The following ENPEP variants were observed in gnomAD, a reference collection of about 807,000 sequenced individuals.
ENPEP encodes glutamyl aminopeptidase, also known as AP-A.
A neutral mutation model predicts 114.5 loss-of-function variants in ENPEP; 103 were observed. The ratio of observed to expected loss-of-function variants is 0.90; its 90% CI spans 0.77 to 1.06. ENPEP has a LOEUF of 1.06. ENPEP is among the 50% of genes least tolerant of loss of function. ENPEP has a pLI of 0.00. For missense variants in ENPEP, 1,196 were observed against 1,161.3 expected (o/e 1.03, Z -0.43); for synonymous variants, 420 against 422.0 (o/e 1.00, Z 0.06).
chr4:110,534,388 A>C (rs2110377979), intron 11 of ENPEP, among the ~76,000 whole-genome samples: 1 of 152,154 alleles, frequency 6.6e-6, no homozygotes, highest in East Asian at 1.9e-4. Context: ...CCTGTCATAA[A>C]ATATAGTATA....
chr4:110,515,967 C>G, intron 8 of ENPEP: 1 of 312,252 alleles, frequency 3.2e-6, no homozygotes, highest in South Asian at 2.7e-5. Flanking sequence ...CCCAGCCTCA[C>G]GATATCATCT....
At chr4:110,526,303 A>C (rs1280211861) in intron 10 of ENPEP, among the ~76,000 whole-genome samples, 6 of 152,092 alleles carry the variant, frequency 3.9e-5, no homozygotes, top group Non-Finnish European at 8.8e-5. Flanking sequence ...CCCCCGCCCC[A>C]AAACAGAAAT....
At chr4:110,486,327 C>G (rs1724498769) in intron 1 of ENPEP, among the ~76,000 whole-genome samples, 1 of 152,186 alleles carries the variant, frequency 6.6e-6, no homozygotes, top group African/African-American at 2.4e-5. Flanking sequence ...AATGCACGCT[C>G]TTCTCATGAT....
chr4:110,558,270 T>TTATATA lies in ENPEP; in HGVS notation c.2643-1358_2643-1353dup, dbSNP rs5861011. Among the ~76,000 whole-genome samples, 681 of 141,654 alleles carry TTATATA rather than the reference T, an allele frequency of 4.8e-3. 4 individuals are homozygous for TTATATA. The highest frequency in any genetic ancestry group is 0.017 in the African/African-American group (637 of 38,080). The allele number at this position is 141,654 out of a possible 152,430, so 92.9% of individuals were successfully genotyped here. On this transcript the variant is annotated intron_variant, in intron 18 of 19. Coordinates refer to ENST00000265162, the MANE Select transcript of ENPEP (RefSeq NM_001977.4). ...TGGAAACATTTAATATTTATAAAAA[T>TTATATA]TATATATATATATATATATATATAA...
At chr4:110,550,548 T>C (rs931971779) in intron 17 of ENPEP, among the ~76,000 whole-genome samples, 2 of 152,062 alleles carry the variant, frequency 1.3e-5, no homozygotes, top group South Asian at 2.1e-4. Context: ...CAAATGCATT[T>C]ACACTTTACT....
At chr4:110,485,306 C>T (rs1724461913) in intron 1 of ENPEP, among the ~76,000 whole-genome samples, 1 of 152,114 alleles carries the variant, frequency 6.6e-6, no homozygotes, top group Non-Finnish European at 1.5e-5. Flanking sequence ...TTTATTGTGA[C>T]ATAATTTCAG....
At chr4:110,501,467 T>C (rs1396511260) in intron 3 of ENPEP, among the ~76,000 whole-genome samples, 3 of 152,152 alleles carry the variant, frequency 2.0e-5, no homozygotes, top group African/African-American at 7.2e-5. Context: ...TTGATGTCTA[T>C]TGCTTCCTTC....
chr4:110,492,303 A>C (rs2110339443), intron 3 of ENPEP, among the ~76,000 whole-genome samples: 1 of 152,346 alleles, frequency 6.6e-6, no homozygotes, highest in African/African-American at 2.4e-5. Flanking sequence ...GTAGAAACTT[A>C]AATTCCAAAC....
intron 11 of ENPEP, among the ~76,000 whole-genome samples, chr4:110,539,217 A>G (rs1245268632): frequency 1.3e-5 from 2 of 152,224 alleles, no homozygotes; most frequent in Non-Finnish European, 2.9e-5. Flanking sequence ...AGTGCAATAA[A>G]GTGACTTCTC....
At chr4:110,479,462 A>C (rs1211488366) in intron 1 of ENPEP, among the ~76,000 whole-genome samples, 1 of 152,182 alleles carries the variant, frequency 6.6e-6, no homozygotes, top group Admixed American at 6.5e-5. Context: ...ACCTGTGTAT[A>C]AATGCATGTA....
At chr4:110,529,544 T>C (rs1277801276) in intron 10 of ENPEP, among the ~76,000 whole-genome samples, 2 of 152,138 alleles carry the variant, frequency 1.3e-5, no homozygotes, top group Admixed American at 1.3e-4. Flanking sequence ...TTTGACTTAG[T>C]CCTGCAGGAA....
intron 10 of ENPEP, among the ~76,000 whole-genome samples, chr4:110,525,005 G>A (rs543142966): frequency 2.6e-4 from 40 of 152,128 alleles, no homozygotes; most frequent in Non-Finnish European, 5.0e-4. Flanking sequence ...TCCTGCCTTG[G>A]CCTCTCAAAG....
At chr4:110,497,882 T>A (rs1388144636) in intron 3 of ENPEP, among the ~76,000 whole-genome samples, 1 of 152,184 alleles carries the variant, frequency 6.6e-6, no homozygotes, top group Non-Finnish European at 1.5e-5. Flanking sequence ...TACCCTCCTC[T>A]GCTAACTTTC....
At chr4:110,531,318 G>A (rs2110374624) in intron 11 of ENPEP, 41 bp downstream of exon 11, 2 of 1,346,876 alleles carry the variant, frequency 1.5e-6, no homozygotes, top group East Asian at 5.1e-5. Flanking sequence ...TTGAATTGAT[G>A]TACCACATTA....
Position 110,513,435 on chromosome 4 carries a change from A to C in ENPEP, c.1329A>C (p.Glu443Asp), listed in dbSNP as rs1284189621. ...TTCAGCGTGACCAAATGTTACTTGA[A>C]GATGTATTACCTGTTCAAGAGGATG... ...DWQMRDQMLLEDVLPVQEDDS... is the reference protein window; with the variant it reads ...DWQMRDQMLLDDVLPVQEDDS... The change falls in exon 7 of 20, where the codon GAA (glutamate) becomes GAC (aspartate). Residue 443 changes from glutamate (E) to aspartate (D), a missense_variant. Physicochemically the swap from Glu to Asp is conservative, Grantham distance 45. Coordinates refer to ENST00000265162, the MANE Select transcript of ENPEP (RefSeq NM_001977.4). 4.3e-6 allele frequency: 7 copies of C among 1,611,364 alleles called. No individual in the cohort carries two copies. In the South Asian group the frequency reaches 7.7e-5, roughly 18 times the overall value.
chr4:110,522,622 G>A (rs622588), intron 10 of ENPEP, among the ~76,000 whole-genome samples: 152,013 of 152,326 alleles, frequency 1, 75,850 homozygotes, highest in Middle Eastern at 1. Flanking sequence ...CAAAACATAC[G>A]TAGATACACC....
chr4:110,483,509 C>T (rs547697390), intron 1 of ENPEP, among the ~76,000 whole-genome samples: 29 of 152,066 alleles, frequency 1.9e-4, no homozygotes, highest in African/African-American at 7.0e-4. Context: ...CAAGCCATAA[C>T]TTGTGCCATC....
chr4:110,548,148 T>A, intron 13 of ENPEP, 28 bp from the exon 14 acceptor site: 1 of 955,496 alleles, frequency 1.0e-6, no homozygotes, highest in Non-Finnish European at 1.3e-6. Context: ...AGTTTTTTTT[T>A]TTTTTTTTTT....
At chr4:110,484,558 A>T (rs951205225) in intron 1 of ENPEP, among the ~76,000 whole-genome samples, 8 of 151,932 alleles carry the variant, frequency 5.3e-5, no homozygotes, top group Admixed American at 4.6e-4. Flanking sequence ...TGGGCCAAAC[A>T]CACCGCACAG....
Sources: gnomAD v4.1 joint callset for allele counts (sites outside exome capture counted in the v4.1 genomes callset) on GRCh38, gnomAD v4.1.1 for gene constraint, MANE v1.5 for transcripts, NCBI Gene and HGNC (gene_info 2026-07-23, HGNC 2026-07-21) for gene names.